The following DOCK8 variants were observed in gnomAD, a reference collection of about 807,000 sequenced individuals.
DOCK8 encodes dedicator of cytokinesis 8.
In DOCK8, 141 loss-of-function variants were observed where a neutral mutation model predicts 245.6. The observed-to-expected ratio is 0.57, with a 90% CI of 0.50 to 0.66. The LOEUF (loss-of-function observed/expected upper bound fraction) is 0.66. Among genes scored for constraint, DOCK8 ranks in the 30% least tolerant of loss-of-function variants. The pLI, the probability that DOCK8 is intolerant of heterozygous loss-of-function variation, is 0.00. For missense variants in DOCK8, 2,965 were observed against 2,603.4 expected, an observed-to-expected ratio of 1.14 and a Z score of -3.02; for synonymous variants, 1,168 against 970.2, an observed-to-expected ratio of 1.20 and a Z score of -3.79.
chr9:449,795 A>G lies in DOCK8; in HGVS notation c.5829A>G (p.Thr1943=), dbSNP rs2131866395. 1 of 1,612,856 alleles carries G rather than the reference A, an allele frequency of 6.2e-7. No individual in the cohort carries two copies. Among genetic ancestry groups the G allele is most frequent in the Non-Finnish European group, 8.5e-7 (1 of 1,180,018 alleles). Residue 1943 remains threonine (T), a synonymous_variant, in exon 45 of 48, where the codon ACA becomes ACG. Transcript: ENST00000432829. ...SVIQKEEFVL[T]PIEVAIEDMK... The stretch of plus-strand genomic sequence containing the variant: ...CGTCTCATGTTCAGTTTGTTTTGAC[A>G]CCGATTGAAGTTGCCATTGAAGACA...
Position 386,416 on chromosome 9 carries a change from C to G in DOCK8, c.2864C>G (p.Ala955Gly). Residue 955 changes from alanine (A) to glycine (G), a missense_variant, in exon 23 of 48, where the codon GCC becomes GGC. Physicochemically the swap from Ala to Gly is moderately conservative, Grantham distance 60 (BLOSUM62 0). Coordinates refer to ENST00000432829, the MANE Select transcript of DOCK8 (RefSeq NM_203447.4). ...APSSPAAPRP[A>G]SKKHFHEELA... ...AGTTCACCTGCAGCCCCAAGGCCAG[C>G]CAGCAAAAAGGTACTGAAGAGAGCA... The G allele has an allele frequency of 6.2e-7, 1 of 1,613,156 alleles. No homozygotes were observed.
chr9:457,064 G>C (rs1390548743), intron 46 of DOCK8: 1 of 152,246 alleles, frequency 6.6e-6, no homozygotes, highest in Non-Finnish European at 1.5e-5. Context: ...AGAGGAAGGA[G>C]AAGGAATTTG....
intron 1 of DOCK8, among the ~76,000 whole-genome samples, chr9:224,504 T>G (rs1330708427): frequency 6.6e-6 from 1 of 152,158 alleles, no homozygotes; most frequent in Non-Finnish European, 1.5e-5. Flanking sequence ...CAAGCTTGAC[T>G]CTCTCGTTTG....
chr9:423,436 G>A (rs1172901902), intron 33 of DOCK8, among the ~76,000 whole-genome samples: 2 of 152,266 alleles, frequency 1.3e-5, no homozygotes, highest in East Asian at 3.9e-4. Flanking sequence ...CAGTTGACAA[G>A]GTAGGATACC....
intron 3 of DOCK8, among the ~76,000 whole-genome samples, chr9:286,933 C>G (rs944488002): frequency 6.6e-6 from 1 of 152,216 alleles, no homozygotes; most frequent in Admixed American, 6.5e-5. Flanking sequence ...GACCACCTGG[C>G]TGCCAGCTCA....
chr9:218,854 C>T (rs989739857), intron 1 of DOCK8, among the ~76,000 whole-genome samples: 4 of 152,170 alleles, frequency 2.6e-5, no homozygotes, highest in African/African-American at 9.7e-5. Flanking sequence ...TTCTATGTGG[C>T]AGAGACAGTT....
chr9:270,577 A>G (rs879725815), intron 1 of DOCK8, among the ~76,000 whole-genome samples: 3 of 152,224 alleles, frequency 2.0e-5, no homozygotes, highest in Admixed American at 6.5e-5. Context: ...AAACCTCATC[A>G]TGCTGGGTAG....
upstream of DOCK8, chr9:214,397 G>A (rs2046682357): frequency 2.2e-6 from 2 of 919,266 alleles, no homozygotes; most frequent in African/African-American, 3.4e-5. Context: ...AGGATGATGG[G>A]CATATTGCTT....
chr9:317,941 T>C (rs2050416290), intron 7 of DOCK8, among the ~76,000 whole-genome samples: 1 of 150,986 alleles, frequency 6.6e-6, no homozygotes, highest in African/African-American at 2.4e-5. Flanking sequence ...TCAAAGTAGT[T>C]GCATCCAAAC....
At chr9:322,422 C>T (rs553326683) in intron 7 of DOCK8, among the ~76,000 whole-genome samples, 18 of 150,582 alleles carry the variant, frequency 1.2e-4, no homozygotes, top group African/African-American at 3.7e-4. Context: ...CGAACACTCA[C>T]GGAAAAAGCC....
intron 4 of DOCK8, among the ~76,000 whole-genome samples, chr9:304,273 A>G (rs2049703126): frequency 1.3e-5 from 2 of 152,196 alleles, no homozygotes; most frequent in South Asian, 2.1e-4. Flanking sequence ...CACTAGGGTC[A>G]TAGTTTAGCT....
chr9:302,965 A>C (rs1170589627), intron 4 of DOCK8, among the ~76,000 whole-genome samples: 1 of 151,932 alleles, frequency 6.6e-6, no homozygotes, highest in Admixed American at 6.6e-5. Flanking sequence ...GTGTCTCTAC[A>C]AAACATCAAA....
intron 1 of DOCK8, chr9:215,567 T>C: frequency 1.1e-6 from 1 of 913,918 alleles, no homozygotes; most frequent in Non-Finnish European, 1.5e-6. Context: ...GCATCGCTAT[T>C]TTTATACCCT....
upstream of DOCK8, chr9:214,549 T>G: frequency 6.2e-7 from 1 of 1,613,742 alleles, no homozygotes; most frequent in Non-Finnish European, 8.5e-7. Context: ...GCCAGCTTTG[T>G]GGGGCTCCCC....
At chr9:446,226 C>T in intron 43 of DOCK8, 144 bp from the exon 44 acceptor site, 1 of 758,964 alleles carries the variant, frequency 1.3e-6, no homozygotes, top group Non-Finnish European at 2.4e-6. Flanking sequence ...CTTCTGCTGG[C>T]CACATTCTCC....
intron 7 of DOCK8, among the ~76,000 whole-genome samples, chr9:318,918 C>G (rs1012881373): frequency 2.6e-5 from 4 of 152,202 alleles, no homozygotes; most frequent in African/African-American, 9.7e-5. Flanking sequence ...GCCAAGCTTT[C>G]TAGACCTCTC....
chr9:298,346 A>C (rs185090750), intron 4 of DOCK8, among the ~76,000 whole-genome samples: 229 of 152,262 alleles, frequency 1.5e-3, no homozygotes, highest in African/African-American at 5.3e-3. Context: ...AATTGCTTCA[A>C]CTCGGGAGGC....
chr9:311,320 G>C (rs1005353252), intron 5 of DOCK8, among the ~76,000 whole-genome samples: 1 of 149,874 alleles, frequency 6.7e-6, no homozygotes, highest in East Asian at 1.9e-4. Flanking sequence ...CCTCACTGCA[G>C]CCTTGAACTC....
chr9:432,407 C>A, intron 37 of DOCK8, 83 bp downstream of exon 37: 2 of 1,249,732 alleles, frequency 1.6e-6, no homozygotes, highest in Admixed American at 1.9e-5. Flanking sequence ...CATATATACA[C>A]AATTTATATA....
Sources: gnomAD v4.1 joint callset for allele counts (sites outside exome capture counted in the v4.1 genomes callset) on GRCh38, gnomAD v4.1.1 for gene constraint, MANE v1.5 for transcripts, NCBI Gene and HGNC (gene_info 2026-07-23, HGNC 2026-07-21) for gene names.